UNK: variants seen among roughly 807,000 people sequenced by gnomAD.
UNK encodes the protein unk zinc finger, also known as RING finger protein unkempt homolog.
A neutral mutation model predicts 97.6 loss-of-function variants in UNK; 32 were observed. That is an observed-to-expected ratio of 0.33 (90% CI 0.25 to 0.44). The LOEUF is 0.44. Among genes scored for constraint, UNK ranks in the 20% least tolerant of loss-of-function variants. UNK has a pLI of 1.00. For missense variants in UNK, 771 were observed against 1,098.4 expected (o/e 0.70, Z 4.21); for synonymous variants, 441 against 461.2 (o/e 0.96, Z 0.56).
intron 1 of UNK, among the ~76,000 whole-genome samples, chr17:75,801,236 G>A (rs546584867): frequency 7.7e-4 from 117 of 152,048 alleles, no homozygotes; most frequent in Non-Finnish European, 1.5e-3. Context: ...TTCATCACCA[G>A]TGCATACCTC....
At chr17:75,805,949 A>G (rs889970255) in intron 1 of UNK, among the ~76,000 whole-genome samples, 1 of 151,624 alleles carries the variant, frequency 6.6e-6, no homozygotes, top group Non-Finnish European at 1.5e-5. Context: ...ATCCCCTCAA[A>G]AAGAAATCTA....
chr17:75,794,660 G>T (rs959692285), intron 1 of UNK, among the ~76,000 whole-genome samples: 3 of 151,498 alleles, frequency 2.0e-5, no homozygotes, highest in African/African-American at 7.3e-5. Flanking sequence ...AAAATGCTTA[G>T]TTAATAGTCA....
chr17:75,815,045 AG>A, intron 6 of UNK, 123 bp from the exon 7 acceptor site: 1 of 760,710 alleles, frequency 1.3e-6, no homozygotes, highest in Admixed American at 2.3e-5. Context: ...AGTGGAGGGG[AG>A]GGGAGGGGCC....
intron 1 of UNK, chr17:75,785,953 C>T (rs1029953693): frequency 2.0e-5 from 3 of 152,108 alleles, no homozygotes; most frequent in Non-Finnish European, 4.4e-5. Flanking sequence ...TTGAACAGCT[C>T]TTAAGTTGTT....
intron 1 of UNK, chr17:75,793,437 T>C: frequency 1.0e-6 from 1 of 985,404 alleles, no homozygotes; most frequent in South Asian, 4.7e-5. Flanking sequence ...CTTTTTTCTT[T>C]GCCAGTGTGT....
At position 75,811,985 on chromosome 17, in the gene UNK, A is replaced by AAAAAC. The variant is rs917799260; in HGVS notation, c.315-113_315-109dup. The AAAAAC allele has an allele frequency of 1.5e-3, 1,898 of 1,253,370 alleles. 12 individuals carry two copies. In the African/African-American group the frequency reaches 0.016, roughly 11 times the overall value. The allele number at this position is 1,253,370 out of a possible 1,614,324, so 77.6% of individuals were successfully genotyped here. A position where few individuals can be genotyped will look rare whatever the true frequency, so the allele number is the denominator to read the frequency against. ...TGGCGACAGAGCAAGACTCCGTCTCAAAAACAAAACAAAACAAACAAACAA... is the reference window on the plus strand; with the variant it reads ...TGGCGACAGAGCAAGACTCCGTCTCAAAAACAAAACAAAACAAAACAAACAAACAA... On this transcript the variant is annotated intron_variant, in intron 2 of 15. Transcript: ENST00000589666.
intron 1 of UNK, among the ~76,000 whole-genome samples, chr17:75,796,068 A>G (rs746077859): frequency 3.3e-5 from 5 of 152,168 alleles, no homozygotes; most frequent in Non-Finnish European, 5.9e-5. Context: ...CATCGCATCT[A>G]GGAGCTTCAT....
intron 7 of UNK, among the ~76,000 whole-genome samples, chr17:75,815,635 C>A (rs1464070494): frequency 7.9e-5 from 12 of 152,182 alleles, no homozygotes; most frequent in African/African-American, 2.7e-4. Flanking sequence ...CTGCTCAGGC[C>A]TCTAGAGCAG....
At position 75,787,932 on chromosome 17, in the gene UNK, C is replaced by A. The variant is rs116903464; in HGVS notation, c.104+2948C>A. ...CCTCCTGAGTAGCTGGGACTACAGG[C>A]ACATACCACCATACCTGCTTCCCTC... On this transcript the variant is annotated intron_variant, in intron 1 of 15. Transcript: ENST00000589666. 9.6e-3 allele frequency among the ~76,000 whole-genome samples: 1,464 copies of A among 152,100 alleles called. 11 individuals are homozygous for A. The highest frequency in any genetic ancestry group is 0.015 in the Non-Finnish European group (1,023 of 67,986).
At chr17:75,785,456 C>T (rs756275701) in intron 1 of UNK, 2 of 153,610 alleles carry the variant, frequency 1.3e-5, no homozygotes, top group Admixed American at 1.3e-4. Context: ...CCCTAAGGCT[C>T]GTAGGTTGTC....
rs186515708 is a variant in UNK at position 75,802,482 on chromosome 17, C to T, written c.105-7278C>T. Among the ~76,000 whole-genome samples, 4 of 152,034 alleles carry T rather than the reference C, an allele frequency of 2.6e-5. No individual in the cohort carries two copies. In the East Asian group the frequency reaches 5.8e-4, roughly 22 times the overall value. On this transcript the variant is annotated intron_variant, in intron 1 of 15. Transcript: ENST00000589666. ...GTCTTGCTATGTTGCCCTCAAACTC[C>T]TAGGCTCAGGTGATCCTCCCACCTC... is the stretch of plus-strand genomic sequence containing the variant.
In UNK at chr17:75,819,432, A is replaced by C; in HGVS notation, c.1547-252A>C. On this transcript the variant is annotated intron_variant, in intron 11 of 15. Coordinates refer to ENST00000589666, the MANE Select transcript of UNK (RefSeq NM_001080419.3). This position sits in a 1 kb window ranked among gnomAD's most constrained non-coding sequence, Gnocchi z 5.4. ...TCCGAGGCAGGGACCCTGGATGGGG[A>C]TGTGATTTCTCCTGGAAGTATCAAA... The C allele has an allele frequency of 5.7e-6, 3 of 526,142 alleles. No individual in the cohort carries two copies. The highest frequency in any genetic ancestry group is 3.4e-5 in the East Asian group (1 of 29,822). The allele number at this position is 526,142 out of a possible 1,614,324, so 32.6% of individuals were successfully genotyped here.
intron 1 of UNK, among the ~76,000 whole-genome samples, chr17:75,807,743 G>A (rs2061931910): frequency 6.6e-6 from 1 of 152,014 alleles, no homozygotes; most frequent in East Asian, 1.9e-4. Flanking sequence ...ATGAGCCACC[G>A]TGCCCAGCCG....
chr17:75,812,010 A>G, intron 2 of UNK, 102 bp from the exon 3 acceptor site: 1 of 1,358,924 alleles, frequency 7.4e-7, no homozygotes, highest in Non-Finnish European at 9.9e-7. Context: ...CAAACAAACA[A>G]CAACAACAAC....
intron 3 of UNK, 51 bp from the exon 4 acceptor site, chr17:75,812,404 T>C (rs2061977212): frequency 1.3e-6 from 2 of 1,588,078 alleles, no homozygotes; most frequent in Non-Finnish European, 8.6e-7. Flanking sequence ...CTCTGGTTCT[T>C]GCCCCCTCAT....
chr17:75,791,813 C>T (rs1012653572), intron 1 of UNK: 3 of 985,236 alleles, frequency 3.0e-6, no homozygotes, highest in Non-Finnish European at 3.6e-6. Flanking sequence ...TCTGCTTTGA[C>T]TGGTGGTTTC....
In UNK at chr17:75,819,454, CAA is replaced by C; in HGVS notation, c.1547-228_1547-227del. On this transcript the variant is annotated intron_variant, in intron 11 of 15. Transcript: ENST00000589666. This position sits in a 1 kb window ranked among gnomAD's most constrained non-coding sequence, Gnocchi z 5.4. The stretch of plus-strand genomic sequence containing the variant: ...GGGATGTGATTTCTCCTGGAAGTAT[CAA>C]AGAAGATTCAGAAAGGAGAGGCATT... The C allele has an allele frequency of 3.5e-6, 2 of 570,636 alleles. No individual in the cohort carries two copies. Among genetic ancestry groups the C allele is most frequent in the South Asian group, 4.1e-5 (2 of 49,116 alleles). The allele number at this position is 570,636 out of a possible 1,614,324, so 35.3% of individuals were successfully genotyped here.
At chr17:75,785,536 G>C (rs749565365) in intron 1 of UNK, 1 of 152,740 alleles carries the variant, frequency 6.5e-6, no homozygotes, top group Non-Finnish European at 1.5e-5. Context: ...ACGTGTCCGT[G>C]CGTGCCCATG....
chr17:75,802,890 G>A (rs1010554223), intron 1 of UNK, among the ~76,000 whole-genome samples: 2 of 151,980 alleles, frequency 1.3e-5, no homozygotes, highest in Non-Finnish European at 2.9e-5. Flanking sequence ...ACTTTGAGAG[G>A]CCAAGGTGGG....
Sources: gnomAD v4.1 joint callset for allele counts (sites outside exome capture counted in the v4.1 genomes callset) on GRCh38, gnomAD v4.1.1 for gene constraint, Gnocchi (gnomAD v3.1) non-coding constraint, MANE v1.5 for transcripts, NCBI Gene and HGNC (gene_info 2026-07-23, HGNC 2026-07-21) for gene names.